SPTBN1: variants seen among roughly 807,000 people sequenced by gnomAD.
SPTBN1 encodes spectrin beta chain, non-erythrocytic 1.
A neutral mutation model predicts 266.4 loss-of-function variants in SPTBN1; 32 were observed. The observed-to-expected ratio is 0.12, with a 90% CI of 0.09 to 0.16. The LOEUF (loss-of-function observed/expected upper bound fraction) is 0.16. Ranked by LOEUF, SPTBN1 falls within the 10% of genes least tolerant of loss-of-function variation. The probability of loss-of-function intolerance (pLI) is 1.00; values close to 1 mark genes in which losing one functional copy is unlikely to be tolerated. For missense variants in SPTBN1, 2,296 were observed against 3,067.1 expected (o/e 0.75, Z 5.94); for synonymous variants, 1,336 against 1,162.2 (o/e 1.15, Z -3.04).
At chr2:54,655,253 T>A (rs745798932) in intron 28 of SPTBN1, 45 bp downstream of exon 28, 4 of 1,603,084 alleles carry the variant, frequency 2.5e-6, no homozygotes, top group Non-Finnish European at 3.4e-6. Flanking sequence ...CGTCAAGATG[T>A]AAAATGACTT....
At chr2:54,583,341 T>G (rs568642539) in intron 2 of SPTBN1, among the ~76,000 whole-genome samples, 188 of 152,328 alleles carry the variant, frequency 1.2e-3, no homozygotes, top group Non-Finnish European at 1.8e-3. Context: ...TATTTCCTAC[T>G]GCTTAGTAGA....
At chr2:54,605,774 T>C (rs1478975615) in intron 3 of SPTBN1, among the ~76,000 whole-genome samples, 1 of 152,234 alleles carries the variant, frequency 6.6e-6, no homozygotes, top group Non-Finnish European at 1.5e-5. Context: ...CCCACTCCTC[T>C]CGTATAGTAC....
At chr2:54,667,464 G>T in intron 34 of SPTBN1, 140 bp from the exon 35 acceptor site, 1 of 706,658 alleles carries the variant, frequency 1.4e-6, no homozygotes. Flanking sequence ...GGGTCCCCAG[G>T]CTTGGTGGTG....
At chr2:54,482,542 A>G (rs991574338) in intron 1 of SPTBN1, among the ~76,000 whole-genome samples, 7 of 152,112 alleles carry the variant, frequency 4.6e-5, no homozygotes, top group African/African-American at 1.7e-4. Context: ...CCTCAAAATT[A>G]TGTCTCTGGC....
At chr2:54,631,878 A>G (rs970521840) in intron 16 of SPTBN1, among the ~76,000 whole-genome samples, 12 of 152,164 alleles carry the variant, frequency 7.9e-5, no homozygotes, top group African/African-American at 2.9e-4. Flanking sequence ...TTATGTGTTC[A>G]TAGTATGTCT....
chr2:54,568,249 C>T (rs1220687705), intron 2 of SPTBN1, among the ~76,000 whole-genome samples: 1 of 150,024 alleles, frequency 6.7e-6, no homozygotes, highest in Non-Finnish European at 1.5e-5. Context: ...GTTGTGGTGG[C>T]GCACATGTGT....
chr2:54,477,312 C>A (rs867919537), intron 1 of SPTBN1, among the ~76,000 whole-genome samples: 1 of 152,132 alleles, frequency 6.6e-6, no homozygotes, highest in East Asian at 1.9e-4. Context: ...AGCAGCCTCC[C>A]CAACCCCCGT....
At chr2:54,498,924 C>T (rs141918671) in intron 1 of SPTBN1, among the ~76,000 whole-genome samples, 31 of 151,878 alleles carry the variant, frequency 2.0e-4, no homozygotes, top group Admixed American at 5.2e-4. Flanking sequence ...CTTTATAATA[C>T]GAAGGGACTT....
At position 54,629,250 on chromosome 2, in the gene SPTBN1, G is replaced by A. The variant is rs369056568; in HGVS notation, c.2116G>A (p.Ala706Thr). The change falls in exon 14 of 36, where the codon GCG (alanine) becomes ACG (threonine). Residue 706 changes from alanine (A) to threonine (T), a missense_variant. By Grantham distance (58) the Ala-to-Thr change is moderately conservative (BLOSUM62 0). This residue lies in a region of SPTBN1 where 434 missense variants were observed against 573.9 expected (regional missense o/e 0.76). Coordinates refer to ENST00000356805, the MANE Select transcript of SPTBN1 (RefSeq NM_003128.3). Reference protein sequence around the residue: ...QAIKEGEDMIAEEHFGSEKIR... With the variant: ...QAIKEGEDMITEEHFGSEKIR... ...CATCAAGGAAGGCGAAGACATGATC[G>A]CGGAGGAGCACTTCGGGTCGGAGAA... 103 of 1,613,972 alleles carry A rather than the reference G, an allele frequency of 6.4e-5. 1 individual carries two copies. In the East Asian group the frequency reaches 9.8e-4, roughly 15 times the overall value.
At chr2:54,487,170 CTTTTTTTTT>C (rs34779689) in intron 1 of SPTBN1, among the ~76,000 whole-genome samples, 11 of 98,588 alleles carry the variant, frequency 1.1e-4, no homozygotes, top group African/African-American at 4.7e-4. Context: ...ATTAGGATTT[CTTTTTTTTT>C]TTTTTTTTTT....
intron 2 of SPTBN1, among the ~76,000 whole-genome samples, chr2:54,532,467 T>C (rs1671315773): frequency 6.6e-6 from 1 of 152,222 alleles, no homozygotes. Context: ...ATCTTTTGTA[T>C]ATGTAACAGA....
chr2:54,545,853 G>C (rs1281861824), intron 2 of SPTBN1, among the ~76,000 whole-genome samples: 1 of 152,170 alleles, frequency 6.6e-6, no homozygotes, highest in Non-Finnish European at 1.5e-5. Context: ...CTAACGGGCT[G>C]TTGCTACCAA....
Position 54,650,661 on chromosome 2 carries a change from A to G in SPTBN1, c.5577+672A>G, listed in dbSNP as rs1441029879. Among the ~76,000 whole-genome samples the G allele has an allele frequency of 3.9e-5, 6 of 152,224 alleles. No individual in the cohort carries two copies. The East Asian group carries it at 9.6e-4, about 24-fold the overall frequency. ...GTCAAGGGTTCTTGTTGTTAAGAGT[A>G]TATTGAGTATCTAAGTTATCTCAGC... On this transcript the variant is annotated intron_variant, in intron 26 of 35. Transcript: ENST00000356805.
intron 1 of SPTBN1, among the ~76,000 whole-genome samples, chr2:54,485,865 C>A (rs972627460): frequency 2.0e-5 from 3 of 149,696 alleles, no homozygotes; most frequent in Admixed American, 1.3e-4. Context: ...ATGTGAGGAG[C>A]GCCTCTGCCC....
At chr2:54,489,961 TTC>T (rs1450063701) in intron 1 of SPTBN1, among the ~76,000 whole-genome samples, 2 of 152,322 alleles carry the variant, frequency 1.3e-5, no homozygotes, top group African/African-American at 4.8e-5. Flanking sequence ...CTAGCTGTGT[TTC>T]TATAAGAACA....
chr2:54,500,532 T>C (rs1207039611), intron 1 of SPTBN1, among the ~76,000 whole-genome samples: 1 of 152,210 alleles, frequency 6.6e-6, no homozygotes, highest in Admixed American at 6.5e-5. Flanking sequence ...AATCCTTGGC[T>C]GGATATTTTA....
At chr2:54,577,034 C>G (rs1322770574) in intron 2 of SPTBN1, among the ~76,000 whole-genome samples, 1 of 152,088 alleles carries the variant, frequency 6.6e-6, no homozygotes. Flanking sequence ...GGCTAGAATT[C>G]TACTTGGGAC....
chr2:54,662,281 T>C (rs901290898), intron 32 of SPTBN1: 2 of 985,368 alleles, frequency 2.0e-6, no homozygotes, highest in African/African-American at 3.5e-5. Flanking sequence ...AAAGCACATG[T>C]CCATTAAAAT....
rs572348285 is a variant in SPTBN1 at position 54,653,636 on chromosome 2, C to T, written c.5605C>T (p.Arg1869Cys). The change falls in exon 27 of 36, where the codon CGC becomes TGC. Residue 1869 changes from arginine (R) to cysteine (C), a missense_variant. This residue lies in a region of SPTBN1 where 644 missense variants were observed against 745.3 expected (regional missense o/e 0.86). Coordinates refer to ENST00000356805, the MANE Select transcript of SPTBN1 (RefSeq NM_003128.3). This position sits in a 1 kb window ranked among gnomAD's most constrained non-coding sequence, Gnocchi z 5.1. ...GAGGCAGCTGCAGGAGGATGCAGCCCGCCTCCAGGCGGCCTATGCGGGTGA... is the reference window on the plus strand; with the variant it reads ...GAGGCAGCTGCAGGAGGATGCAGCCTGCCTCCAGGCGGCCTATGCGGGTGA... ...QVRQLQEDAA[R>C]LQAAYAGDKA... 14 of 1,613,826 alleles carry T rather than the reference C, an allele frequency of 8.7e-6. No individual in the cohort carries two copies. The highest frequency in any genetic ancestry group is 2.2e-5 in the East Asian group (1 of 44,870).
Sources: gnomAD v4.1 joint callset for allele counts (sites outside exome capture counted in the v4.1 genomes callset) on GRCh38, gnomAD v4.1.1 for gene constraint, gnomAD v4.1.1 regional missense constraint, Gnocchi (gnomAD v3.1) non-coding constraint, MANE v1.5 for transcripts, NCBI Gene and HGNC (gene_info 2026-07-23, HGNC 2026-07-21) for gene names.